Variants in ST6GAL2 observed in about 807,000 individuals in gnomAD.
ST6GAL2 encodes the protein ST6 beta-galactoside alpha-2,6-sialyltransferase 2.
A neutral mutation model predicts 37.5 loss-of-function variants in ST6GAL2; 24 were observed. The ratio of observed to expected loss-of-function variants is 0.64; its 90% CI spans 0.46 to 0.90. ST6GAL2 has a LOEUF of 0.90. ST6GAL2 is among the 40% of genes least tolerant of loss of function. The pLI, the probability that ST6GAL2 is intolerant of heterozygous loss-of-function variation, is 0.00. For synonymous variants in ST6GAL2, 306 were observed against 295.1 expected, an observed-to-expected ratio of 1.04 and a Z score of -0.38; for missense variants, 715 against 712.7, an observed-to-expected ratio of 1.00 and a Z score of -0.04.
intron 1 of ST6GAL2, among the ~76,000 whole-genome samples, chr2:106,868,526 A>G (rs1050403817): frequency 1.3e-5 from 2 of 152,212 alleles, no homozygotes; most frequent in Non-Finnish European, 2.9e-5. Flanking sequence ...CGGCCATAAT[A>G]AACTAAATAT....
intron 2 of ST6GAL2, among the ~76,000 whole-genome samples, chr2:106,842,238 T>A (rs1676914320): frequency 6.6e-6 from 1 of 152,170 alleles, no homozygotes; most frequent in Non-Finnish European, 1.5e-5. Flanking sequence ...TAGACACATA[T>A]CCTCCTGGTG....
In ST6GAL2 at chr2:106,857,111, C is replaced by A. The variant is rs72933015; in HGVS notation, c.-57-13077G>T. Among the ~76,000 whole-genome samples, 935 of 152,202 alleles carry A rather than the reference C, an allele frequency of 6.1e-3. 10 individuals carry two copies. Among genetic ancestry groups the A allele is most frequent in the African/African-American group, 0.021 (877 of 41,522 alleles). ...TGTAAAGGCTGTGGTAGAGTAGTAT[C>A]GACATTACTTAAGTTTTATTTTTGA... On this transcript the variant is annotated intron_variant, in intron 1 of 5. Coordinates refer to ENST00000409382, the MANE Select transcript of ST6GAL2 (RefSeq NM_001142351.2).
intron 1 of ST6GAL2, among the ~76,000 whole-genome samples, chr2:106,866,531 G>A (rs890370068): frequency 2.0e-5 from 3 of 152,206 alleles, no homozygotes; most frequent in Non-Finnish European, 4.4e-5. Context: ...TGCAAGGTGA[G>A]TATGGTACCT....
At chr2:106,884,939 A>ATATATATATATG (rs1491214200) in intron 1 of ST6GAL2, among the ~76,000 whole-genome samples, 4 of 122,634 alleles carry the variant, frequency 3.3e-5, no homozygotes, top group African/African-American at 1.2e-4. Flanking sequence ...ATATATACAT[A>ATATATATATATG]CACACACACA....
At chr2:106,845,860 A>G (rs1677122624) in intron 1 of ST6GAL2, among the ~76,000 whole-genome samples, 1 of 152,178 alleles carries the variant, frequency 6.6e-6, no homozygotes, top group South Asian at 2.1e-4. Context: ...ATACTATGCC[A>G]GTTACCAGGC....
chr2:106,883,672 T>C (rs1678842236), intron 1 of ST6GAL2, among the ~76,000 whole-genome samples: 1 of 152,180 alleles, frequency 6.6e-6, no homozygotes, highest in Admixed American at 6.6e-5. Flanking sequence ...CCCTTAGACA[T>C]TTATGCATGC....
chr2:106,875,174 C>CT lies in ST6GAL2; in HGVS notation c.-58+10918dup, dbSNP rs11330010. ...AGATATCACTTTACTTTTTTTGTTT[C>CT]TTTTTTTTTTTTTTTTGAAATGGGG... On this transcript the variant is annotated intron_variant, in intron 1 of 5. Coordinates refer to ENST00000409382, the MANE Select transcript of ST6GAL2 (RefSeq NM_001142351.2). Among the ~76,000 whole-genome samples, 977 of 128,910 alleles carry CT rather than the reference C, an allele frequency of 7.6e-3. 8 individuals carry two copies. Among genetic ancestry groups the CT allele is most frequent in the Middle Eastern group, 0.019 (5 of 262 alleles). The allele number at this position is 128,910 out of a possible 152,430, so 84.6% of individuals were successfully genotyped here. A position where few individuals can be genotyped will look rare whatever the true frequency, so the allele number is the denominator to read the frequency against.
intron 2 of ST6GAL2, among the ~76,000 whole-genome samples, chr2:106,836,185 T>C (rs1676628494): frequency 6.6e-6 from 1 of 152,214 alleles, no homozygotes; most frequent in African/African-American, 2.4e-5. Context: ...GGCACCGTTT[T>C]TAATGTCTGC....
At position 106,841,760 on chromosome 2, in the gene ST6GAL2, C is replaced by G. The variant is rs1222658969; in HGVS notation, c.943+1275G>C. ...AATTCTGAGGAGAGCCAATGCAGGCCCATCTGGTGCAGAACCTACACCACT... is the reference window on the plus strand; with the variant it reads ...AATTCTGAGGAGAGCCAATGCAGGCGCATCTGGTGCAGAACCTACACCACT... On this transcript the variant is annotated intron_variant, in intron 2 of 5. Transcript: ENST00000409382. Among the ~76,000 whole-genome samples the G allele has an allele frequency of 8.5e-5, 13 of 152,082 alleles. 1 individual carries two copies. The South Asian group carries it at 2.7e-3, about 32-fold the overall frequency.
chr2:106,848,706 G>A (rs190762897), intron 1 of ST6GAL2, among the ~76,000 whole-genome samples: 184 of 152,282 alleles, frequency 1.2e-3, no homozygotes, highest in Non-Finnish European at 2.2e-3. Flanking sequence ...TTCATGGCAG[G>A]ATTCAAATTA....
rs2104407425 is a variant in ST6GAL2 at position 106,806,937 on chromosome 2, A to C, written c.1331T>G (p.Met444Arg). Residue 444 changes from methionine to arginine, a missense_variant, in exon 6 of 6, where the codon ATG becomes AGG. Around this residue, in one of 3 missense-constraint regions of ST6GAL2, gnomAD observed 198 missense variants for 203.6 expected, o/e 0.97. Coordinates refer to ENST00000409382, the MANE Select transcript of ST6GAL2 (RefSeq NM_001142351.2). ...PSSGFIGILI[M>R]MSMCREVHVY... Reference sequence around the variant, plus strand: ...GTGCACCTCTCTGCACATGGACATCATTATGAGGATTCCTGACATGAAAAC... The same window carrying C: ...GTGCACCTCTCTGCACATGGACATCCTTATGAGGATTCCTGACATGAAAAC... The C allele has an allele frequency of 6.2e-7, 1 of 1,608,870 alleles. No homozygotes were observed. Among genetic ancestry groups the C allele is most frequent in the Non-Finnish European group, 8.5e-7 (1 of 1,175,774 alleles).
At position 106,806,604 on chromosome 2, in the gene ST6GAL2, T is replaced by A; in HGVS notation, c.*74A>T. The A allele has an allele frequency of 1.3e-6, 2 of 1,507,022 alleles. No individual in the cohort carries two copies. Among genetic ancestry groups the A allele is most frequent in the Non-Finnish European group, 1.8e-6 (2 of 1,105,124 alleles). 93.4% of individuals were successfully genotyped at this position (1,507,022 alleles called of 1,614,324 possible). A position where few individuals can be genotyped will look rare whatever the true frequency, so the allele number is the denominator to read the frequency against. Reference sequence around the variant, plus strand: ...TCAAAACTACACTGTCTAAAATCTATCTTCAAGTATTCTTTTGTGACTTTG... The same window carrying A: ...TCAAAACTACACTGTCTAAAATCTAACTTCAAGTATTCTTTTGTGACTTTG... On this transcript the variant is annotated 3_prime_UTR_variant, in exon 6 of 6. Transcript: ENST00000409382.
At chr2:106,808,041 C>T (rs1489715257) in intron 5 of ST6GAL2, among the ~76,000 whole-genome samples, 1 of 152,116 alleles carries the variant, frequency 6.6e-6, no homozygotes, top group East Asian at 1.9e-4. Context: ...AGGGATGTCC[C>T]TTGTTATAAA....
At chr2:106,833,782 A>T (rs1676521392) in intron 3 of ST6GAL2, among the ~76,000 whole-genome samples, 1 of 152,148 alleles carries the variant, frequency 6.6e-6, no homozygotes, top group Non-Finnish European at 1.5e-5. Context: ...TAAGTCTATG[A>T]TTATAAATAT....
In ST6GAL2 at chr2:106,843,735, G is replaced by C. The variant is rs540126919; in HGVS notation, c.243C>G (p.Pro81=). Residue 81 remains proline, a synonymous_variant, in exon 2 of 6, where the codon CCC becomes CCG. Coordinates refer to ENST00000409382, the MANE Select transcript of ST6GAL2 (RefSeq NM_001142351.2). ...PGGLDARQAL[P]RAHPAGSFHA... ...GAAAGGAACCGGCTGGGTGGGCGCG[G>C]GGCAGCGCCTGGCGTGCGTCCAGGC... 2.5e-6 allele frequency: 4 copies of C among 1,612,392 alleles called. No individual in the cohort carries two copies. Among genetic ancestry groups the C allele is most frequent in the Non-Finnish European group, 3.4e-6 (4 of 1,179,648 alleles).
At chr2:106,878,995 A>T (rs1316506928) in intron 1 of ST6GAL2, among the ~76,000 whole-genome samples, 1 of 152,158 alleles carries the variant, frequency 6.6e-6, no homozygotes, top group Non-Finnish European at 1.5e-5. Flanking sequence ...TGGGCTTCCA[A>T]ATTATAATTG....
rs925190405 is a variant in ST6GAL2, at chr2:106,843,090, G to C, written c.888C>G (p.Cys296Trp). ...SQLHPRGLRS[C>W]AVVMSAGAIL... ...TTGCGCCTGCAGACATGACGACAGC[G>C]CAGCTGCGCAGGCCGCGGGGGTGCA... Residue 296 changes from cysteine (C) to tryptophan (W), a missense_variant, in exon 2 of 6, where the codon TGC becomes TGG. By Grantham distance (215) the Cys-to-Trp change is radical. Around this residue, in one of 3 missense-constraint regions of ST6GAL2, gnomAD observed 512 missense variants for 488.8 expected, o/e 1.05. Transcript: ENST00000409382. 2 of 1,512,328 alleles carry C rather than the reference G, an allele frequency of 1.3e-6. No individual in the cohort carries two copies. The highest frequency in any genetic ancestry group is 1.8e-6 in the Non-Finnish European group (2 of 1,135,720). The allele number at this position is 1,512,328 out of a possible 1,614,324, so 93.7% of individuals were successfully genotyped here. A position where few individuals can be genotyped will look rare whatever the true frequency, so the allele number is the denominator to read the frequency against.
intron 1 of ST6GAL2, among the ~76,000 whole-genome samples, chr2:106,875,322 G>A (rs1445125119): frequency 6.6e-6 from 1 of 151,846 alleles, no homozygotes; most frequent in Non-Finnish European, 1.5e-5. Flanking sequence ...GACCACAGGT[G>A]AGTGCCACCA....
intron 1 of ST6GAL2, among the ~76,000 whole-genome samples, chr2:106,855,076 T>C (rs1289471243): frequency 6.6e-6 from 1 of 152,202 alleles, no homozygotes; most frequent in Non-Finnish European, 1.5e-5. Flanking sequence ...CAAATATTTA[T>C]TAAGTCTATC....
Sources: gnomAD v4.1 joint callset for allele counts (sites outside exome capture counted in the v4.1 genomes callset) on GRCh38, gnomAD v4.1.1 for gene constraint, gnomAD v4.1.1 regional missense constraint, MANE v1.5 for transcripts, NCBI Gene and HGNC (gene_info 2026-07-23, HGNC 2026-07-21) for gene names.